TMPRSS15: variants seen among roughly 807,000 people sequenced by gnomAD.
The protein encoded by TMPRSS15 is transmembrane serine protease 15, also known as enteropeptidase.
Under a neutral mutation model 125.3 loss-of-function variants are expected in TMPRSS15, and 128 were observed. That is an observed-to-expected ratio of 1.02 (90% confidence interval 0.89 to 1.18). TMPRSS15 has a LOEUF of 1.18. TMPRSS15 is among the 50% of genes most tolerant of loss of function. TMPRSS15 has a pLI of 0.00. For synonymous variants in TMPRSS15, 446 were observed against 423.2 expected (o/e 1.05, Z -0.66); for missense variants, 1,283 against 1,212.7 (o/e 1.06, Z -0.86).
chr21:18,321,266 G>A (rs931564781), intron 16 of TMPRSS15, among the ~76,000 whole-genome samples: 1 of 151,476 alleles, frequency 6.6e-6, no homozygotes, highest in Non-Finnish European at 1.5e-5. Context: ...CTATACAATT[G>A]TGTTAAATTT....
chr21:18,388,410 G>A (rs1043614641), intron 3 of TMPRSS15, among the ~76,000 whole-genome samples: 15 of 152,058 alleles, frequency 9.9e-5, no homozygotes, highest in Admixed American at 2.6e-4. Context: ...TGGGATTTTG[G>A]TAGCCCACCA....
chr21:18,369,303 A>G (rs532426465), intron 6 of TMPRSS15, among the ~76,000 whole-genome samples: 1 of 152,288 alleles, frequency 6.6e-6, no homozygotes, highest in Non-Finnish European at 1.5e-5. Context: ...AACATGATCT[A>G]TGCTCACCCA....
intron 1 of TMPRSS15, among the ~76,000 whole-genome samples, chr21:18,485,495 A>AT (rs1979061844): frequency 6.6e-6 from 1 of 151,736 alleles, no homozygotes; most frequent in African/African-American, 2.4e-5. Context: ...CACACTATTC[A>AT]TTTTTTGCTA....
chr21:18,464,307 T>A (rs1433572974), intron 1 of TMPRSS15, among the ~76,000 whole-genome samples: 1 of 150,942 alleles, frequency 6.6e-6, no homozygotes, highest in African/African-American at 2.4e-5. Context: ...GAGGAGAAAG[T>A]GGGAAAGATC....
At chr21:18,483,373 G>A (rs1184133713) in intron 1 of TMPRSS15, among the ~76,000 whole-genome samples, 1 of 151,780 alleles carries the variant, frequency 6.6e-6, no homozygotes. Flanking sequence ...ATTGTACTCT[G>A]AAGTTCAGCA....
intron 1 of TMPRSS15, among the ~76,000 whole-genome samples, chr21:18,425,760 A>T (rs561252574): frequency 2.0e-5 from 3 of 152,234 alleles, no homozygotes; most frequent in South Asian, 2.1e-4. Flanking sequence ...GAAAATGCTT[A>T]AAAAAATCTC....
chr21:18,353,951 G>T, intron 8 of TMPRSS15, 88 bp from the exon 9 acceptor site: 1 of 1,263,074 alleles, frequency 7.9e-7, no homozygotes, highest in Non-Finnish European at 1.1e-6. Flanking sequence ...TGAACTATCA[G>T]TTTGTCAGTT....
intron 1 of TMPRSS15, among the ~76,000 whole-genome samples, chr21:18,447,329 A>G (rs1601465940): frequency 6.6e-6 from 1 of 150,376 alleles, no homozygotes; most frequent in East Asian, 2.0e-4. Context: ...AACCTCAGCT[A>G]CTTGGGAGGC....
Position 18,269,935 on chromosome 21 carries a change from T to G in TMPRSS15, c.*34A>C. The G allele has an allele frequency of 6.2e-7, 1 of 1,611,952 alleles. No homozygotes were observed. The highest frequency in any genetic ancestry group is 1.1e-5 in the South Asian group (1 of 90,982). On this transcript the variant is annotated 3_prime_UTR_variant, in exon 25 of 25. Transcript: ENST00000284885. ...TGCTTTCTAGAGTAGAATGGGAAAATAATGCGACTTTCCTGTTTAGTTTAA... is the reference window on the plus strand; with the variant it reads ...TGCTTTCTAGAGTAGAATGGGAAAAGAATGCGACTTTCCTGTTTAGTTTAA...
intron 1 of TMPRSS15, among the ~76,000 whole-genome samples, chr21:18,467,585 T>TA (rs1978693486): frequency 6.6e-6 from 1 of 152,006 alleles, no homozygotes; most frequent in Non-Finnish European, 1.5e-5. Flanking sequence ...TACCAGAGTT[T>TA]AAAAAATTGT....
chr21:18,384,463 C>T (rs1196436395), intron 3 of TMPRSS15, among the ~76,000 whole-genome samples: 1 of 152,076 alleles, frequency 6.6e-6, no homozygotes, highest in Non-Finnish European at 1.5e-5. Context: ...CCATATAGCC[C>T]TAATCATCTT....
chr21:18,275,916 T>C (rs2074614489), intron 23 of TMPRSS15, among the ~76,000 whole-genome samples: 1 of 152,204 alleles, frequency 6.6e-6, no homozygotes, highest in South Asian at 2.1e-4. Context: ...TGTACTTACC[T>C]GCTTTTTACA....
chr21:18,325,595 C>T (rs2075280318), intron 16 of TMPRSS15, among the ~76,000 whole-genome samples: 1 of 152,016 alleles, frequency 6.6e-6, no homozygotes, highest in Non-Finnish European at 1.5e-5. Context: ...ACATCAATTC[C>T]ATAAATATTT....
chr21:18,328,410 A>T (rs886500283), intron 15 of TMPRSS15, among the ~76,000 whole-genome samples: 1 of 152,222 alleles, frequency 6.6e-6, no homozygotes, highest in Non-Finnish European at 1.5e-5. Flanking sequence ...AATAGTTTGA[A>T]GTAAAATAAA....
At chr21:18,405,861 A>C (rs1339908229), upstream of TMPRSS15, among the ~76,000 whole-genome samples, 6 of 152,218 alleles carry the variant, frequency 3.9e-5, 1 homozygote, top group Non-Finnish European at 8.8e-5. Flanking sequence ...TTCAAAAATA[A>C]AAGGAAAAAT....
chr21:18,384,487 A>G (rs1340049286), intron 3 of TMPRSS15, among the ~76,000 whole-genome samples: 1 of 152,144 alleles, frequency 6.6e-6, no homozygotes, highest in African/African-American at 2.4e-5. Context: ...CCTTGATTTT[A>G]TCCCCTGCTC....
chr21:18,474,479 G>C (rs1978840043), intron 1 of TMPRSS15, among the ~76,000 whole-genome samples: 1 of 151,912 alleles, frequency 6.6e-6, no homozygotes, highest in Non-Finnish European at 1.5e-5. Flanking sequence ...TAGTAGAGAT[G>C]GGGTTTCACT....
In TMPRSS15 at chr21:18,344,007, G is replaced by A; in HGVS notation, c.1225C>T (p.Leu409Phe). The A allele has an allele frequency of 6.2e-7, 1 of 1,614,014 alleles. No individual in the cohort carries two copies. Among genetic ancestry groups the A allele is most frequent in the Non-Finnish European group, 8.5e-7 (1 of 1,179,988 alleles). Residue 409 changes from leucine (L) to phenylalanine (F), a missense_variant, in exon 11 of 25, where the codon CTT becomes TTT. Leu to Phe is a conservative substitution (Grantham distance 22, BLOSUM62 0). Transcript: ENST00000284885. ...GTGGGGTCCAAAGGGAGGCTTAAAA[G>A]CCCCACTCGTTCTTGTCTCCCTCCT... ...GPGGRQERVG[L>F]LSLPLDPTLE...
At chr21:18,281,632 C>A (rs8131942) in intron 21 of TMPRSS15, among the ~76,000 whole-genome samples, 10,592 of 152,170 alleles carry the variant, frequency 0.07, 1,064 homozygotes, top group African/African-American at 0.23. Flanking sequence ...ATTTGTGCTA[C>A]TATATATAAT....
Sources: allele counts gnomAD v4.1 joint callset (sites outside exome capture counted in the v4.1 genomes callset), GRCh38; gene constraint gnomAD v4.1.1; transcripts MANE v1.5; gene names NCBI Gene and HGNC (gene_info 2026-07-23, HGNC 2026-07-21).